FAM107B: variants seen among roughly 807,000 people sequenced by gnomAD.
FAM107B encodes protein FAM107B.
Under a neutral mutation model 31.5 loss-of-function variants are expected in FAM107B, and 21 were observed. The observed-to-expected ratio is 0.67, with a 90% CI of 0.47 to 0.96. FAM107B has a LOEUF of 0.96. Among genes scored for constraint, FAM107B ranks in the 40% least tolerant of loss-of-function variants. The pLI is 0.00. For missense variants in FAM107B, 452 were observed against 377.1 expected, an observed-to-expected ratio of 1.20 and a Z score of -1.64; for synonymous variants, 157 against 141.5, an observed-to-expected ratio of 1.11 and a Z score of -0.78.
chr10:14,727,474 G>C (rs1270382162), intron 1 of FAM107B, among the ~76,000 whole-genome samples: 2 of 152,206 alleles, frequency 1.3e-5, no homozygotes, highest in Non-Finnish European at 2.9e-5. Context: ...ATCTTCTAGA[G>C]CCAAGGAAGA....
chr10:14,659,740 A>T (rs1305909495), intron 2 of FAM107B, among the ~76,000 whole-genome samples: 1 of 152,198 alleles, frequency 6.6e-6, no homozygotes, highest in East Asian at 1.9e-4. Context: ...CTGAATTGTC[A>T]GAAAATGGGT....
In FAM107B at chr10:14,757,717, G is replaced by A. The variant is rs184174539; in HGVS notation, c.411+16536C>T. Among the ~76,000 whole-genome samples, 445 of 152,272 alleles carry A rather than the reference G, an allele frequency of 2.9e-3. 1 individual carries two copies. The highest frequency in any genetic ancestry group is 5.3e-3 in the Non-Finnish European group (361 of 68,016). Reference sequence around the variant, plus strand: ...AATCTCTAGCAGCTAAAGAAAAGACGTTACCTTTGAGGATTTCTTAAAGCA... The same window carrying A: ...AATCTCTAGCAGCTAAAGAAAAGACATTACCTTTGAGGATTTCTTAAAGCA... On this transcript the variant is annotated intron_variant, in intron 1 of 4. Transcript: ENST00000181796.
chr10:14,628,120 T>G (rs1163991128), intron 2 of FAM107B, among the ~76,000 whole-genome samples: 1 of 123,838 alleles, frequency 8.1e-6, no homozygotes, highest in Non-Finnish European at 1.6e-5. Context: ...TGGTTTTTTT[T>G]TTTTTTTTTT....
intron 1 of FAM107B, among the ~76,000 whole-genome samples, chr10:14,750,311 A>AC (rs1832802126): frequency 1.3e-5 from 2 of 152,238 alleles, no homozygotes; most frequent in South Asian, 4.2e-4. Flanking sequence ...CTAGAAAAGC[A>AC]TTTTTTTAAA....
intron 2 of FAM107B, among the ~76,000 whole-genome samples, chr10:14,625,032 C>T (rs1303028691): frequency 1.3e-5 from 2 of 152,070 alleles, no homozygotes; most frequent in Non-Finnish European, 2.9e-5. Context: ...TGAGACCAGC[C>T]TGGCCAACAT....
At chr10:14,675,368 G>A (rs1305398315) in intron 1 of FAM107B, among the ~76,000 whole-genome samples, 2 of 152,086 alleles carry the variant, frequency 1.3e-5, no homozygotes, top group African/African-American at 4.8e-5. Context: ...CTCTCAACTG[G>A]TCTCTGACTT....
intron 2 of FAM107B, among the ~76,000 whole-genome samples, chr10:14,559,105 A>AC (rs1294006712): frequency 1.9e-5 from 2 of 106,702 alleles, no homozygotes; most frequent in African/African-American, 6.1e-5. Context: ...ACTTCAAAAA[A>AC]AAAAAAAAAA....
At chr10:14,616,854 G>A (rs186483527) in intron 2 of FAM107B, among the ~76,000 whole-genome samples, 1 of 152,254 alleles carries the variant, frequency 6.6e-6, no homozygotes, top group East Asian at 1.9e-4. Context: ...GGGAGGTCAA[G>A]GCTGCAGTGA....
intron 2 of FAM107B, among the ~76,000 whole-genome samples, chr10:14,635,727 G>A (rs1474223101): frequency 1.3e-5 from 2 of 152,066 alleles, no homozygotes; most frequent in East Asian, 1.9e-4. Flanking sequence ...CACCTCCTGG[G>A]TTTAAGCAAT....
intron 1 of FAM107B, among the ~76,000 whole-genome samples, chr10:14,772,662 T>C (rs1019115708): frequency 3.3e-5 from 5 of 152,128 alleles, no homozygotes; most frequent in Admixed American, 3.3e-4. Context: ...GTTGTTCCTG[T>C]CTGGATTGTT....
At chr10:14,563,020 T>A (rs1387931981) in intron 2 of FAM107B, among the ~76,000 whole-genome samples, 3 of 152,254 alleles carry the variant, frequency 2.0e-5, no homozygotes, top group African/African-American at 7.2e-5. Flanking sequence ...AAGTCAAAAC[T>A]TGTCTATTCA....
intron 2 of FAM107B, chr10:14,572,516 C>G (rs1851296396): frequency 1.9e-6 from 1 of 516,594 alleles, no homozygotes; most frequent in Non-Finnish European, 2.5e-6. Context: ...GGCATCACAG[C>G]CCACTTTATA....
chr10:14,580,304 G>A (rs994843913), intron 2 of FAM107B, among the ~76,000 whole-genome samples: 1 of 151,928 alleles, frequency 6.6e-6, no homozygotes, highest in Admixed American at 6.6e-5. Context: ...AGCTTGCAGT[G>A]AGCCGAGATC....
At chr10:14,689,309 G>T (rs1279907407) in intron 1 of FAM107B, among the ~76,000 whole-genome samples, 1 of 151,060 alleles carries the variant, frequency 6.6e-6, no homozygotes, top group Non-Finnish European at 1.5e-5. Context: ...GAACCCAGGA[G>T]GTCGAGGCTG....
At chr10:14,691,823 A>C (rs747813148) in intron 1 of FAM107B, among the ~76,000 whole-genome samples, 1 of 148,354 alleles carries the variant, frequency 6.7e-6, no homozygotes, top group Non-Finnish European at 1.5e-5. Flanking sequence ...GAACCTGGGA[A>C]GCGGAGGTTG....
At chr10:14,635,622 G>A (rs74228058) in intron 2 of FAM107B, among the ~76,000 whole-genome samples, 15,058 of 151,884 alleles carry the variant, frequency 0.099, 958 homozygotes, top group East Asian at 0.18. Context: ...AACTTGGAAT[G>A]TGTTTTTCTA....
At chr10:14,737,917 G>A (rs1271582613) in intron 1 of FAM107B, among the ~76,000 whole-genome samples, 2 of 151,924 alleles carry the variant, frequency 1.3e-5, no homozygotes, top group South Asian at 2.1e-4. Context: ...ACAATGTGCT[G>A]AAAATCTTGG....
At chr10:14,758,944 C>T (rs1330449394) in intron 1 of FAM107B, among the ~76,000 whole-genome samples, 1 of 148,624 alleles carries the variant, frequency 6.7e-6, no homozygotes. Flanking sequence ...TTTGGGAGGC[C>T]GAGGCAGGTG....
At chr10:14,709,177 G>A (rs189013398) in intron 1 of FAM107B, among the ~76,000 whole-genome samples, 14 of 152,196 alleles carry the variant, frequency 9.2e-5, no homozygotes, top group Admixed American at 5.2e-4. Flanking sequence ...CATATGATTC[G>A]CAATTGCACT....
Sources: allele counts gnomAD v4.1 joint callset (sites outside exome capture counted in the v4.1 genomes callset), GRCh38; gene constraint gnomAD v4.1.1; transcripts MANE v1.5; gene names NCBI Gene and HGNC (gene_info 2026-07-23, HGNC 2026-07-21).